The following CTNNA2 variants were observed in gnomAD, a reference collection of about 807,000 sequenced individuals.
CTNNA2 encodes catenin alpha 2, also known as catenin alpha-2.
Under a neutral mutation model 101.0 loss-of-function variants are expected in CTNNA2, and 42 were observed. The observed-to-expected ratio is 0.42, with a 90% CI of 0.32 to 0.54. The LOEUF (loss-of-function observed/expected upper bound fraction) is 0.54. Among genes scored for constraint, CTNNA2 ranks in the 20% least tolerant of loss-of-function variants. The probability of loss-of-function intolerance (pLI) is 0.14; values close to 1 mark genes in which losing one functional copy is unlikely to be tolerated. For synonymous variants in CTNNA2, 450 were observed against 456.4 expected (o/e 0.99, Z 0.18); for missense variants, 871 against 1,223.1 (o/e 0.71, Z 4.29).
chr2:79,227,981 T>C (rs146569141), intron 2 of CTNNA2, among the ~76,000 whole-genome samples: 2 of 152,362 alleles, frequency 1.3e-5, no homozygotes, highest in Non-Finnish European at 2.9e-5. Flanking sequence ...TAACTCCCAC[T>C]TATATGTGAG....
At chr2:80,347,118 CTA>C (rs56673335) in intron 7 of CTNNA2, among the ~76,000 whole-genome samples, 3,940 of 152,256 alleles carry the variant, frequency 0.026, 117 homozygotes, top group African/African-American at 0.064. Flanking sequence ...AAGCTTTGTG[CTA>C]TATAGCAATC....
intron 3 of CTNNA2, among the ~76,000 whole-genome samples, chr2:79,833,793 T>G (rs1488841659): frequency 6.6e-6 from 1 of 152,220 alleles, no homozygotes; most frequent in Non-Finnish European, 1.5e-5. Flanking sequence ...TGGTTTCATT[T>G]TTGCCATATA....
Position 79,869,916 on chromosome 2 carries a change from T to C in CTNNA2, c.566T>C (p.Val189Ala). Residue 189 changes from valine (V) to alanine (A), a missense_variant, in exon 5 of 19, where the codon GTA (valine) becomes GCA (alanine). This residue lies in a region of CTNNA2 where 647 missense variants were observed against 831.5 expected (regional missense o/e 0.78). Coordinates refer to ENST00000402739, the MANE Select transcript of CTNNA2 (RefSeq NM_001282597.3). The stretch of plus-strand genomic sequence containing the variant: ...AAAGAGATGGTGAAACTTAACTATG[T>C]AGCAGCAAGAAGACAACAGGTGGGA... ...FGKEMVKLNYVAARRQQELKD... is the reference protein window; with the variant it reads ...FGKEMVKLNYAAARRQQELKD... 1.2e-6 allele frequency: 2 copies of C among 1,613,974 alleles called. No homozygotes were observed. The highest frequency in any genetic ancestry group is 1.7e-6 in the Non-Finnish European group (2 of 1,180,006).
chr2:80,305,114 C>T (rs1318267902), intron 7 of CTNNA2: 2 of 985,304 alleles, frequency 2.0e-6, no homozygotes, highest in Non-Finnish European at 2.4e-6. Flanking sequence ...TGGACCTTTG[C>T]TTTAGAAAAG....
chr2:80,456,226 G>A (rs1051016708), intron 9 of CTNNA2, among the ~76,000 whole-genome samples: 1 of 152,154 alleles, frequency 6.6e-6, no homozygotes, highest in African/African-American at 2.4e-5. Flanking sequence ...GTAGACCAAT[G>A]CTCCTATGTG....
Position 80,324,687 on chromosome 2 carries a change from C to T in CTNNA2, c.1057-68524C>T, listed in dbSNP as rs533926322. On this transcript the variant is annotated intron_variant, in intron 7 of 18. Coordinates refer to ENST00000402739, the MANE Select transcript of CTNNA2 (RefSeq NM_001282597.3). ...TTGGAATAAAATACTCCTTTTTTGG[C>T]GTGACCTTGAGACTCCAAATCATCT... Among the ~76,000 whole-genome samples, 71 of 152,068 alleles carry T rather than the reference C, an allele frequency of 4.7e-4. No individual in the cohort carries two copies. The South Asian group carries it at 0.013, about 29-fold the overall frequency.
chr2:80,603,158 A>G (rs1436585629), intron 15 of CTNNA2, among the ~76,000 whole-genome samples: 1 of 152,084 alleles, frequency 6.6e-6, no homozygotes, highest in African/African-American at 2.4e-5. Context: ...ACATAAAGAG[A>G]CCAGGTTAAT....
At chr2:79,673,745 T>A (rs1045734362) in intron 2 of CTNNA2, among the ~76,000 whole-genome samples, 1 of 152,188 alleles carries the variant, frequency 6.6e-6, no homozygotes, top group Non-Finnish European at 1.5e-5. Flanking sequence ...CTTTTGAGTG[T>A]TTGATTACTT....
At chr2:80,136,358 C>T (rs773973412) in intron 7 of CTNNA2, among the ~76,000 whole-genome samples, 1 of 152,154 alleles carries the variant, frequency 6.6e-6, no homozygotes, top group Non-Finnish European at 1.5e-5. Flanking sequence ...ATTAGAAGAC[C>T]TTTGGCAGGA....
At chr2:80,513,305 A>G (rs1688856976) in intron 9 of CTNNA2, among the ~76,000 whole-genome samples, 1 of 152,236 alleles carries the variant, frequency 6.6e-6, no homozygotes, top group African/African-American at 2.4e-5. Flanking sequence ...TCCAGGCCAA[A>G]GTCTAAAGAT....
rs1031341828 is a variant in CTNNA2 at position 79,771,060 on chromosome 2, A to G, written c.298+26478A>G. The stretch of plus-strand genomic sequence containing the variant: ...AGCCTATTTTTTGTTGTTGACAGAC[A>G]AGGCTGCTTTTGTTTTGCTTTGTTT... On this transcript the variant is annotated intron_variant, in intron 3 of 18. Coordinates refer to ENST00000402739, the MANE Select transcript of CTNNA2 (RefSeq NM_001282597.3). Among the ~76,000 whole-genome samples, 4 of 152,340 alleles carry G rather than the reference A, an allele frequency of 2.6e-5. No individual in the cohort carries two copies. The South Asian group carries it at 8.3e-4, about 32-fold the overall frequency.
intron 2 of CTNNA2, among the ~76,000 whole-genome samples, chr2:79,739,061 G>A (rs1372007790): frequency 6.6e-6 from 1 of 151,406 alleles, no homozygotes; most frequent in Non-Finnish European, 1.5e-5. Context: ...TTTGTTGCAG[G>A]GACTTTGCTG....
At chr2:79,722,278 T>C (rs562235900) in intron 2 of CTNNA2, among the ~76,000 whole-genome samples, 11 of 152,238 alleles carry the variant, frequency 7.2e-5, no homozygotes, top group Middle Eastern at 3.4e-3. Flanking sequence ...AAGCCAAATA[T>C]GAAAATGGGC....
At chr2:80,211,948 G>A (rs1417142245) in intron 7 of CTNNA2, among the ~76,000 whole-genome samples, 3 of 152,060 alleles carry the variant, frequency 2.0e-5, no homozygotes, top group African/African-American at 7.2e-5. Flanking sequence ...TTGTAAGTTG[G>A]GTTCCTAAGT....
upstream of CTNNA2, among the ~76,000 whole-genome samples, chr2:79,512,759 G>C (rs1257319832): frequency 6.6e-6 from 1 of 151,398 alleles, no homozygotes; most frequent in Non-Finnish European, 1.5e-5. Context: ...CGCGCCTCCA[G>C]AGCTCCGCCC....
intron 2 of CTNNA2, among the ~76,000 whole-genome samples, chr2:79,262,736 G>A (rs1353141189): frequency 6.6e-6 from 1 of 152,162 alleles, no homozygotes; most frequent in African/African-American, 2.4e-5. Flanking sequence ...AGGTGATTCT[G>A]ACACCTACTG....
chr2:79,903,313 C>T (rs918344599), intron 6 of CTNNA2, among the ~76,000 whole-genome samples: 1 of 152,014 alleles, frequency 6.6e-6, no homozygotes, highest in African/African-American at 2.4e-5. Context: ...CTCTTTTGGG[C>T]TCTGAAGGCT....
At chr2:80,142,389 G>A (rs1703069486) in intron 7 of CTNNA2, among the ~76,000 whole-genome samples, 1 of 152,134 alleles carries the variant, frequency 6.6e-6, no homozygotes, top group African/African-American at 2.4e-5. Context: ...TTGCCGCACT[G>A]AGTGAGCAGA....
chr2:79,808,690 A>G (rs1676767305), intron 3 of CTNNA2, among the ~76,000 whole-genome samples: 1 of 152,166 alleles, frequency 6.6e-6, no homozygotes. Flanking sequence ...TATAGTTTTA[A>G]GCATTACATT....
Sources: gnomAD v4.1 joint callset for allele counts (sites outside exome capture counted in the v4.1 genomes callset) on GRCh38, gnomAD v4.1.1 for gene constraint, gnomAD v4.1.1 regional missense constraint, MANE v1.5 for transcripts, NCBI Gene and HGNC (gene_info 2026-07-23, HGNC 2026-07-21) for gene names.